The following MACIR variants were observed in gnomAD, a reference collection of about 807,000 sequenced individuals.
The protein encoded by MACIR is UNC119-binding protein C5orf30.
MACIR carries 4 observed loss-of-function variants against 14.3 expected under a neutral mutation model. The ratio of observed to expected loss-of-function variants is 0.28; its 90% CI spans 0.14 to 0.64. MACIR has a LOEUF of 0.64. Ranked by LOEUF, MACIR falls within the 30% of genes least tolerant of loss-of-function variation. MACIR has a pLI of 0.83. For missense variants in MACIR, 228 were observed against 257.6 expected (o/e 0.89, Z 0.79); for synonymous variants, 101 against 102.4 (o/e 0.99, Z 0.08).
At chr5:103,265,456 T>C in intron 1 of MACIR, among the ~76,000 whole-genome samples, 1 of 152,136 alleles carries the variant, frequency 6.6e-6, no homozygotes, top group Non-Finnish European at 1.5e-5. Context: ...TTTTAGAGAT[T>C]GATATTTATG....
chr5:103,258,693 G>C (rs937960486), upstream of MACIR: 17 of 139,774 alleles, frequency 1.2e-4, no homozygotes, highest in African/African-American at 5.9e-4. Flanking sequence ...CGGAGGAGGA[G>C]GCGGAGGAGG....
At chr5:103,269,653 G>A (rs2149929020) in intron 2 of MACIR, among the ~76,000 whole-genome samples, 1 of 152,148 alleles carries the variant, frequency 6.6e-6, no homozygotes, top group Admixed American at 6.5e-5. Context: ...TGCTCTTTGT[G>A]CCAAATAGAT....
In MACIR at chr5:103,277,419, C is replaced by T. The variant is rs1484397524; in HGVS notation, c.*879C>T. 1 of 166,986 alleles carries T rather than the reference C, an allele frequency of 6.0e-6. No individual in the cohort carries two copies. The highest frequency in any genetic ancestry group is 1.9e-4 in the East Asian group (1 of 5,194). The allele number at this position is 166,986 out of a possible 1,614,324, so 10.3% of individuals were successfully genotyped here. ...ATTATAGGCATAATACTGTTTGCATCTGAATTTTCTGTAAGTGAATAATAG... is the reference window on the plus strand; with the variant it reads ...ATTATAGGCATAATACTGTTTGCATTTGAATTTTCTGTAAGTGAATAATAG... On this transcript the variant is annotated 3_prime_UTR_variant, in exon 3 of 3. Transcript: ENST00000319933.
At chr5:103,271,491 C>G (rs897955577) in intron 2 of MACIR, among the ~76,000 whole-genome samples, 6 of 151,876 alleles carry the variant, frequency 4.0e-5, no homozygotes, top group Non-Finnish European at 5.9e-5. Context: ...ATTCTGTACC[C>G]AATGCTTTAA....
chr5:103,267,459 G>A (rs887250609), intron 2 of MACIR, among the ~76,000 whole-genome samples: 4 of 152,040 alleles, frequency 2.6e-5, no homozygotes, highest in Non-Finnish European at 4.4e-5. Flanking sequence ...TGCAGAACCC[G>A]TGGAGACAGG....
intron 1 of MACIR, chr5:103,259,774 G>A (rs1361288791): frequency 2.0e-5 from 3 of 152,238 alleles, no homozygotes; most frequent in African/African-American, 4.8e-5. Context: ...CACCTGTCGC[G>A]GGTGGACTTT....
chr5:103,259,457 G>A (rs1421937228), intron 1 of MACIR: 1 of 152,162 alleles, frequency 6.6e-6, no homozygotes. Context: ...GCGGGGCAGC[G>A]GGCCTGGAGG....
At chr5:103,270,386 A>G (rs555991280) in intron 2 of MACIR, among the ~76,000 whole-genome samples, 2 of 152,174 alleles carry the variant, frequency 1.3e-5, no homozygotes, top group African/African-American at 4.8e-5. Flanking sequence ...TCACTCTTAC[A>G]TTTGTAAATA....
chr5:103,259,239 C>T (rs1181817790), intron 1 of MACIR: 1 of 152,354 alleles, frequency 6.6e-6, no homozygotes, highest in Non-Finnish European at 1.5e-5. Flanking sequence ...TTCCCTGGCA[C>T]AGGGGTGGGG....
In MACIR at chr5:103,276,039, C is replaced by T; in HGVS notation, c.120C>T (p.Pro40=). 2 of 1,614,146 alleles carry T rather than the reference C, an allele frequency of 1.2e-6. No homozygotes were observed. The highest frequency in any genetic ancestry group is 1.7e-6 in the Non-Finnish European group (2 of 1,180,028). Residue 40 remains proline, a synonymous_variant, in exon 3 of 3, where the codon CCC becomes CCT. Coordinates refer to ENST00000319933, the MANE Select transcript of MACIR (RefSeq NM_033211.4). Reference sequence around the variant, plus strand: ...AGAAGCCCCGCTGCTCCAGCACACCCTGCTCCCCGATGCGGAGGACCGTGT... The same window carrying T: ...AGAAGCCCCGCTGCTCCAGCACACCTTGCTCCCCGATGCGGAGGACCGTGT... ...EAEKPRCSST[P]CSPMRRTVSG...
chr5:103,269,562 G>A (rs184972754), intron 2 of MACIR, among the ~76,000 whole-genome samples: 57 of 152,056 alleles, frequency 3.7e-4, no homozygotes, highest in African/African-American at 1.2e-3. Context: ...AGAATTCTTC[G>A]TATAGCAGTT....
At chr5:103,268,626 C>A (rs1562548753) in intron 2 of MACIR, among the ~76,000 whole-genome samples, 1 of 152,184 alleles carries the variant, frequency 6.6e-6, no homozygotes, top group African/African-American at 2.4e-5. Context: ...ACCTGGGAAT[C>A]TTTTACAACT....
intron 1 of MACIR, among the ~76,000 whole-genome samples, chr5:103,260,634 A>G (rs782739409): frequency 6.6e-6 from 1 of 152,228 alleles, no homozygotes; most frequent in Non-Finnish European, 1.5e-5. Context: ...TGTATAAGAT[A>G]TATTTATTGA....
chr5:103,265,243 C>T (rs1245962730), intron 1 of MACIR, among the ~76,000 whole-genome samples: 1 of 152,134 alleles, frequency 6.6e-6, no homozygotes, highest in Non-Finnish European at 1.5e-5. Context: ...GACTTCTAAT[C>T]ATTTGCCTCG....
rs2149935067 is a variant in MACIR at position 103,275,932 on chromosome 5, A to G, written c.13A>G (p.Ile5Val). 6.2e-7 allele frequency: 1 copy of G among 1,611,534 alleles called. No homozygotes were observed. The change falls in exon 3 of 3, where the codon ATT becomes GTT. Residue 5 changes from isoleucine to valine, a missense_variant. Coordinates refer to ENST00000319933, the MANE Select transcript of MACIR (RefSeq NM_033211.4). ...ACTGGTGCTTAAAATGGAAGTCGATATTAATGGAGAGTCTAGAAGTACCCT... is the reference window on the plus strand; with the variant it reads ...ACTGGTGCTTAAAATGGAAGTCGATGTTAATGGAGAGTCTAGAAGTACCCT... MEVD[I>V]NGESRSTLTT...
In MACIR at chr5:103,263,145, A is replaced by G. The variant is rs150690827; in HGVS notation, c.-113-2763A>G. Among the ~76,000 whole-genome samples, 1,148 of 152,116 alleles carry G rather than the reference A, an allele frequency of 7.5e-3. 14 individuals are homozygous for G. Among genetic ancestry groups the G allele is most frequent in the African/African-American group, 0.025 (1,042 of 41,490 alleles). ...TAAAGAAAACGTATAATCTTATACT[A>G]GTTAGTTTCTGGTCTTGTTCTTTTT... is the stretch of plus-strand genomic sequence containing the variant. On this transcript the variant is annotated intron_variant, in intron 1 of 2. Transcript: ENST00000319933.
At position 103,276,148 on chromosome 5, in the gene MACIR, T is replaced by C. The variant is rs1400012133; in HGVS notation, c.229T>C (p.Cys77Arg). 5.6e-6 allele frequency: 9 copies of C among 1,613,780 alleles called. No homozygotes were observed. The highest frequency in any genetic ancestry group is 3.3e-5 in the Admixed American group (2 of 59,950). The part of the protein sequence containing the change: ...GEELLKLAQK[C>R]TGGEESKAEA... ...GGAACTCCTGAAGTTAGCTCAGAAG[T>C]GCACAGGAGGTGAAGAGAGCAAAGC... Residue 77 changes from cysteine to arginine, a missense_variant, in exon 3 of 3, where the codon TGC becomes CGC. Cys to Arg is a radical substitution (Grantham distance 180). Transcript: ENST00000319933.
At chr5:103,272,885 A>G (rs1562550459) in intron 2 of MACIR, among the ~76,000 whole-genome samples, 1 of 152,188 alleles carries the variant, frequency 6.6e-6, no homozygotes, top group Non-Finnish European at 1.5e-5. Context: ...TTGAGAATAC[A>G]CTATTTGTAG....
chr5:103,263,124 G>A (rs1221377008), intron 1 of MACIR, among the ~76,000 whole-genome samples: 2 of 152,086 alleles, frequency 1.3e-5, no homozygotes, highest in Non-Finnish European at 2.9e-5. Flanking sequence ...ATGTCTTAAA[G>A]AAAACGTATA....
Sources: allele counts gnomAD v4.1 joint callset (sites outside exome capture counted in the v4.1 genomes callset), GRCh38; gene constraint gnomAD v4.1.1; transcripts MANE v1.5; gene names NCBI Gene and HGNC (gene_info 2026-07-23, HGNC 2026-07-21).